The following CPA5 variants were observed in gnomAD, a reference collection of about 807,000 sequenced individuals.
CPA5 encodes the protein testicular tissue protein Li 32.
CPA5 carries 38 observed loss-of-function variants against 52.2 expected under a neutral mutation model. The ratio of observed to expected loss-of-function variants is 0.73; its 90% CI spans 0.56 to 0.95. The LOEUF (loss-of-function observed/expected upper bound fraction) is 0.95, where lower values mean the gene tolerates loss of function less well. CPA5 is among the 40% of genes least tolerant of loss of function. The pLI, the probability that CPA5 is intolerant of heterozygous loss-of-function variation, is 0.00. For missense variants in CPA5, 519 were observed against 566.7 expected (o/e 0.92, Z 0.86); for synonymous variants, 198 against 213.7 (o/e 0.93, Z 0.64).
chr7:130,346,780 G>A (rs1448449261), intron 3 of CPA5, among the ~76,000 whole-genome samples, 179 bp downstream of exon 3: 2 of 152,120 alleles, frequency 1.3e-5, no homozygotes, highest in East Asian at 1.9e-4. Flanking sequence ...GGGCTGGCTC[G>A]TTGGTGGTCC....
chr7:130,347,135 G>T (rs904791141), intron 3 of CPA5, among the ~76,000 whole-genome samples: 5 of 152,166 alleles, frequency 3.3e-5, no homozygotes, highest in Admixed American at 3.3e-4. Context: ...TAGAGATGGG[G>T]TTCCTCACCC....
chr7:130,368,223 G>A (rs1796208916), intron 12 of CPA5, among the ~76,000 whole-genome samples, 187 bp from the exon 13 acceptor site: 3 of 152,238 alleles, frequency 2.0e-5, no homozygotes, highest in Admixed American at 1.3e-4. Flanking sequence ...TCTTTTTGCA[G>A]GAGTAGAGAA....
downstream of CPA5, among the ~76,000 whole-genome samples, chr7:130,370,461 T>C (rs1796284484): frequency 6.6e-6 from 1 of 152,230 alleles, no homozygotes; most frequent in South Asian, 2.1e-4. Flanking sequence ...AAGCCAGTTA[T>C]ACCTTTGCAC....
At chr7:130,352,737 G>A (rs537394747) in intron 5 of CPA5, among the ~76,000 whole-genome samples, 1 of 152,302 alleles carries the variant, frequency 6.6e-6, no homozygotes, top group South Asian at 2.1e-4. Context: ...CAGGCAGGAG[G>A]GTGGTGAGGA....
chr7:130,362,890 A>C lies in CPA5; in HGVS notation c.643A>C (p.Ser215Arg). The C allele has an allele frequency of 6.2e-7, 1 of 1,609,608 alleles. No homozygotes were observed. Among genetic ancestry groups the C allele is most frequent in the East Asian group, 2.2e-5 (1 of 44,842 alleles). ...TGIWTANKIV[S>R]DYGKDRVLTD... ...TCCTCACTCTTTCTTGCAGATTGTCAGTGATTATGGCAAAGACCGTGTCCT... is the reference window on the plus strand; with the variant it reads ...TCCTCACTCTTTCTTGCAGATTGTCCGTGATTATGGCAAAGACCGTGTCCT... Residue 215 changes from serine to arginine, a missense_variant, in exon 9 of 13, where the codon AGT (serine) becomes CGT (arginine). By Grantham distance (110) the Ser-to-Arg change is moderately radical (BLOSUM62 -1). Coordinates refer to ENST00000474905, the MANE Select transcript of CPA5 (RefSeq NM_080385.5).
At chr7:130,368,916 C>T (rs1202387440), downstream of CPA5, among the ~76,000 whole-genome samples, 1 of 152,070 alleles carries the variant, frequency 6.6e-6, no homozygotes, top group African/African-American at 2.4e-5. Flanking sequence ...TTTCAGGGCC[C>T]GGAACACAGA....
At position 130,367,959 on chromosome 7, in the gene CPA5, G is replaced by A. The variant is rs1554409022; in HGVS notation, c.1092G>A (p.Glu364=). 3.7e-6 allele frequency: 6 copies of A among 1,614,250 alleles called. No individual in the cohort carries two copies. The highest frequency in any genetic ancestry group is 5.1e-6 in the Non-Finnish European group (6 of 1,180,040). ...CCTTGTATAAGGTCCATGGGATCGA[G>A]TACATTTTTGGCAGCATCAGCACCA... ...VEALYKVHGI[E]YIFGSISTTL... is the part of the protein sequence containing the mutation. Residue 364 remains glutamate (E), a synonymous_variant, in exon 12 of 13, where the codon GAG becomes GAA. Coordinates refer to ENST00000474905, the MANE Select transcript of CPA5 (RefSeq NM_080385.5).
At chr7:130,361,024 G>A (rs141370906) in intron 6 of CPA5, 119 bp from the exon 7 acceptor site, 2 of 671,160 alleles carry the variant, frequency 3.0e-6, no homozygotes, top group East Asian at 5.3e-5. Flanking sequence ...ACCCTCGAGG[G>A]TCTAAATACC....
intron 5 of CPA5, among the ~76,000 whole-genome samples, chr7:130,357,482 G>A: frequency 6.6e-6 from 1 of 152,132 alleles, no homozygotes; most frequent in South Asian, 2.1e-4. Flanking sequence ...AATTAGCCAG[G>A]CGTGGTGGTG....
chr7:130,372,045 C>T (rs1796300312), downstream of CPA5, among the ~76,000 whole-genome samples: 1 of 152,230 alleles, frequency 6.6e-6, no homozygotes, highest in African/African-American at 2.4e-5. Context: ...ACATTCTTTT[C>T]TCCCTCTCTC....
At chr7:130,371,748 G>T (rs1222081998), downstream of CPA5, among the ~76,000 whole-genome samples, 3 of 152,076 alleles carry the variant, frequency 2.0e-5, no homozygotes, top group Non-Finnish European at 4.4e-5. Flanking sequence ...GTAGAGACAG[G>T]GTTTCTCCAT....
intron 10 of CPA5, among the ~76,000 whole-genome samples, chr7:130,367,114 T>C (rs1328961419): frequency 1.3e-5 from 2 of 152,062 alleles, no homozygotes; most frequent in Admixed American, 6.5e-5. Flanking sequence ...AGGCTGTTTC[T>C]ATCTAGAATT....
downstream of CPA5, among the ~76,000 whole-genome samples, chr7:130,372,493 C>T (rs1334215795): frequency 3.9e-5 from 6 of 152,312 alleles, no homozygotes; most frequent in East Asian, 1.2e-3. Context: ...GGGACCCAGA[C>T]CCTTGTGATC....
rs1462632829 is a variant in CPA5 at position 130,367,423 on chromosome 7, C to T, written c.890C>T (p.Pro297Leu). The T allele has an allele frequency of 9.3e-6, 15 of 1,614,074 alleles. No homozygotes were observed. The highest frequency in any genetic ancestry group is 1.3e-5 in the Non-Finnish European group (15 of 1,180,054). Reference protein sequence around the residue: ...PCSETYHGPSPQSEPEVAAIV... With the variant: ...PCSETYHGPSLQSEPEVAAIV... ...TCAGAAACTTATCACGGGCCCTCCC[C>T]TCAGTCGGAGCCGGAGGTGGCTGCC... Residue 297 changes from proline (P) to leucine (L), a missense_variant, in exon 11 of 13, where the codon CCT becomes CTT. Physicochemically the swap from Pro to Leu is moderately conservative, Grantham distance 98. Coordinates refer to ENST00000474905, the MANE Select transcript of CPA5 (RefSeq NM_080385.5).
chr7:130,363,181 A>T (rs1245326711), intron 9 of CPA5, among the ~76,000 whole-genome samples, 187 bp downstream of exon 9: 1 of 152,182 alleles, frequency 6.6e-6, no homozygotes, highest in Non-Finnish European at 1.5e-5. Flanking sequence ...TGCCCAGGGA[A>T]GGCCTCTATT....
At chr7:130,368,159 T>A (rs1336555362) in intron 12 of CPA5, among the ~76,000 whole-genome samples, 169 bp downstream of exon 12, 1 of 152,264 alleles carries the variant, frequency 6.6e-6, no homozygotes, top group Non-Finnish European at 1.5e-5. Context: ...TGTGCACAGC[T>A]CCCAGTGCCT....
intron 5 of CPA5, among the ~76,000 whole-genome samples, chr7:130,354,659 C>A (rs1795369991): frequency 1.3e-5 from 2 of 152,140 alleles, no homozygotes; most frequent in Admixed American, 1.3e-4. Flanking sequence ...AGTGATCCAC[C>A]TGCCTCAGCC....
chr7:130,352,541 C>T (rs1554404225), intron 5 of CPA5, among the ~76,000 whole-genome samples: 1 of 152,086 alleles, frequency 6.6e-6, no homozygotes, highest in African/African-American at 2.4e-5. Context: ...GGCCCCCACC[C>T]CGATTGGTGA....
At chr7:130,347,171 G>C (rs1794810860) in intron 3 of CPA5, among the ~76,000 whole-genome samples, 1 of 152,178 alleles carries the variant, frequency 6.6e-6, no homozygotes, top group South Asian at 2.1e-4. Flanking sequence ...GCCTGTGAGG[G>C]CACCAACCCC....
Sources: allele counts gnomAD v4.1 joint callset (sites outside exome capture counted in the v4.1 genomes callset), GRCh38; gene constraint gnomAD v4.1.1; transcripts MANE v1.5; gene names NCBI Gene and HGNC (gene_info 2026-07-23, HGNC 2026-07-21).